Variants in CIMAP3 observed in about 807,000 individuals in gnomAD.
CIMAP3 encodes the protein ciliary microtubule-associated protein 3.
the CIMAP3 span, chr1:111,347,191 G>A: frequency 2.0e-6 from 2 of 995,420 alleles, no homozygotes; most frequent in East Asian, 5.5e-5. Flanking sequence ...CTGTTCTTCT[G>A]CAAGCAGCTG....
At chr1:111,343,261 T>C in the CIMAP3 span, among the ~76,000 whole-genome samples, 1 of 152,248 alleles carries the variant, frequency 6.6e-6, no homozygotes, top group Non-Finnish European at 1.5e-5. Context: ...GAGACAAATC[T>C]ATTTAAAACA....
the CIMAP3 span, among the ~76,000 whole-genome samples, chr1:111,333,238 G>A: frequency 6.6e-6 from 1 of 152,200 alleles, no homozygotes; most frequent in African/African-American, 2.4e-5. Context: ...TCCCTGCTGT[G>A]CAGGACCAGC....
chr1:111,345,817 C>T, the CIMAP3 span, among the ~76,000 whole-genome samples: 3 of 152,134 alleles, frequency 2.0e-5, no homozygotes, highest in African/African-American at 7.2e-5. Context: ...AAAGACAAAA[C>T]ACACTCTGAT....
the CIMAP3 span, chr1:111,346,888 G>T: frequency 1.2e-6 from 2 of 1,611,612 alleles, no homozygotes; most frequent in Middle Eastern, 1.7e-4. Flanking sequence ...CCCTCACGTG[G>T]AGCCTCTCCT....
chr1:111,352,915 T>C, the CIMAP3 span: 1 of 152,214 alleles, frequency 6.6e-6, no homozygotes, highest in African/African-American at 2.4e-5. Flanking sequence ...GTAATCTGAT[T>C]TGATGAAAGA....
At chr1:111,340,771 A>G in the CIMAP3 span, among the ~76,000 whole-genome samples, 6 of 152,054 alleles carry the variant, frequency 3.9e-5, no homozygotes, top group African/African-American at 1.5e-4. Context: ...ACTGTAAACT[A>G]GTTCAACCAT....
the CIMAP3 span, chr1:111,350,279 G>A: frequency 1.2e-5 from 17 of 1,391,120 alleles, no homozygotes; most frequent in African/African-American, 2.0e-4. Context: ...ACTTTCATAG[G>A]TATTAGGGAC....
the CIMAP3 span, among the ~76,000 whole-genome samples, chr1:111,327,757 A>G: frequency 6.6e-6 from 1 of 151,622 alleles, no homozygotes; most frequent in Non-Finnish European, 1.5e-5. Context: ...TTTCTTCTCT[A>G]TTAGTCTAGC....
chr1:111,329,591 GTT>G, the CIMAP3 span, among the ~76,000 whole-genome samples: 1 of 127,044 alleles, frequency 7.9e-6, no homozygotes. Flanking sequence ...TTTTGCTCTT[GTT>G]GCCCAGCCTG....
chr1:111,333,602 C>A, the CIMAP3 span, among the ~76,000 whole-genome samples: 3 of 149,788 alleles, frequency 2.0e-5, no homozygotes, highest in Non-Finnish European at 4.4e-5. Context: ...TTCTGCTTAC[C>A]TTTTCCCCAC....
the CIMAP3 span, among the ~76,000 whole-genome samples, chr1:111,326,802 T>A: frequency 2.0e-5 from 3 of 152,196 alleles, no homozygotes; most frequent in Non-Finnish European, 4.4e-5. Context: ...GGTAAGATGG[T>A]ATCTCATTGT....
the CIMAP3 span, among the ~76,000 whole-genome samples, chr1:111,340,488 A>C: frequency 2.6e-5 from 4 of 151,988 alleles, no homozygotes; most frequent in Non-Finnish European, 5.9e-5. Context: ...AGAATCTACA[A>C]TGAACGCAAA....
the CIMAP3 span, among the ~76,000 whole-genome samples, chr1:111,332,506 T>C: frequency 6.6e-6 from 1 of 152,116 alleles, no homozygotes; most frequent in Non-Finnish European, 1.5e-5. Flanking sequence ...CTGCAGACAG[T>C]AGACCACAGG....
chr1:111,339,876 A>T, the CIMAP3 span, among the ~76,000 whole-genome samples: 1 of 151,784 alleles, frequency 6.6e-6, no homozygotes, highest in Admixed American at 6.6e-5. Context: ...ATATGGAACC[A>T]AAAAAGAGCC....
chr1:111,342,649 G>A, the CIMAP3 span, among the ~76,000 whole-genome samples: 2 of 152,148 alleles, frequency 1.3e-5, no homozygotes, highest in African/African-American at 4.8e-5. Context: ...GCCTCTGCCT[G>A]TTTTCAGGTA....
At chr1:111,340,117 A>G in the CIMAP3 span, among the ~76,000 whole-genome samples, 3 of 152,106 alleles carry the variant, frequency 2.0e-5, no homozygotes, top group Admixed American at 6.5e-5. Flanking sequence ...AGGATTCCCT[A>G]TTTAATAAAT....
the CIMAP3 span, among the ~76,000 whole-genome samples, chr1:111,337,828 G>T: frequency 4.6e-5 from 7 of 152,042 alleles, no homozygotes. Flanking sequence ...ATTGAACTCA[G>T]CTCTGCACCA....
the CIMAP3 span, among the ~76,000 whole-genome samples, chr1:111,348,151 G>T: frequency 6.6e-6 from 1 of 152,308 alleles, no homozygotes; most frequent in South Asian, 2.1e-4. Flanking sequence ...CTAAAGTTCA[G>T]TAGGGGATCC....
At chr1:111,326,413 C>T in the CIMAP3 span, among the ~76,000 whole-genome samples, 1 of 152,068 alleles carries the variant, frequency 6.6e-6, no homozygotes, top group South Asian at 2.1e-4. Flanking sequence ...CTTTCTGTGT[C>T]TGGGTTATTT....
Sources: gnomAD v4.1 joint callset for allele counts (sites outside exome capture counted in the v4.1 genomes callset) on GRCh38, gnomAD v4.1.1 for gene constraint, MANE v1.5 for transcripts, NCBI Gene and HGNC (gene_info 2026-07-23, HGNC 2026-07-21) for gene names.